The following TAFA2 variants were observed in gnomAD, a reference collection of about 807,000 sequenced individuals.
TAFA2 encodes TAFA chemokine like family member 2.
A neutral mutation model predicts 18.8 loss-of-function variants in TAFA2; 7 were observed. That is an observed-to-expected ratio of 0.37 (90% confidence interval 0.21 to 0.70). The LOEUF is 0.70. Ranked by LOEUF, TAFA2 falls within the 30% of genes least tolerant of loss-of-function variation. TAFA2 has a pLI of 0.53. For synonymous variants in TAFA2, 60 were observed against 54.2 expected (o/e 1.11, Z -0.47); for missense variants, 122 against 158.1 (o/e 0.77, Z 1.23).
intron 1 of TAFA2, among the ~76,000 whole-genome samples, chr12:62,001,983 C>T (rs1047363561): frequency 6.6e-6 from 1 of 152,042 alleles, no homozygotes. Context: ...TACCAAAAAA[C>T]AAAAGCCAGA....
Position 61,754,538 on chromosome 12 carries a change from A to G in TAFA2, c.259+334T>C, listed in dbSNP as rs375773731. On this transcript the variant is annotated intron_variant, in intron 3 of 4. Coordinates refer to ENST00000416284, the MANE Select transcript of TAFA2 (RefSeq NM_178539.5). ...AAGAACCCATAATATTAAATCATCC[A>G]TTTTCATCTTTCCTTTTCCAATTAA... Among the ~76,000 whole-genome samples the G allele has an allele frequency of 3.3e-5, 5 of 151,618 alleles. No individual in the cohort carries two copies. The East Asian group carries it at 9.8e-4, about 30-fold the overall frequency.
At chr12:61,752,758 T>A (rs1869079196) in intron 4 of TAFA2, among the ~76,000 whole-genome samples, 1 of 152,162 alleles carries the variant, frequency 6.6e-6, no homozygotes, top group East Asian at 1.9e-4. Context: ...GGTTTAAAAG[T>A]CTGCTATATC....
At chr12:61,808,873 C>A (rs957234956) in intron 2 of TAFA2, among the ~76,000 whole-genome samples, 12 of 151,506 alleles carry the variant, frequency 7.9e-5, no homozygotes, top group Admixed American at 6.6e-4. Context: ...TATATCAAAT[C>A]TGTTACTAAT....
chr12:62,155,720 C>T (rs1339413636), intron 1 of TAFA2, among the ~76,000 whole-genome samples: 1 of 152,116 alleles, frequency 6.6e-6, no homozygotes, highest in Admixed American at 6.5e-5. Flanking sequence ...ACAAATGGTG[C>T]TGGGATAACT....
chr12:61,871,425 G>A (rs981760693), intron 1 of TAFA2, among the ~76,000 whole-genome samples: 14 of 152,240 alleles, frequency 9.2e-5, no homozygotes, highest in Non-Finnish European at 1.8e-4. Context: ...ATGTGGTCCT[G>A]GCTCCAACAC....
intron 2 of TAFA2, among the ~76,000 whole-genome samples, chr12:61,806,004 C>T (rs956269840): frequency 6.6e-6 from 1 of 152,150 alleles, no homozygotes; most frequent in Non-Finnish European, 1.5e-5. Flanking sequence ...AAGGTAACAA[C>T]AAACTATTAA....
chr12:61,767,237 T>C (rs1251724559), intron 2 of TAFA2, among the ~76,000 whole-genome samples: 1 of 152,102 alleles, frequency 6.6e-6, no homozygotes, highest in Non-Finnish European at 1.5e-5. Context: ...TCAGGAATAT[T>C]ATTTCAGAAA....
chr12:62,059,139 A>ATGTGTGTGTGTGTGTGTG (rs374882700), intron 1 of TAFA2, among the ~76,000 whole-genome samples: 4,576 of 136,206 alleles, frequency 0.034, 117 homozygotes, highest in African/African-American at 0.06. Context: ...ATGTGTGTAT[A>ATGTGTGTGTGTGTGTGTG]TGTGTGTGTG....
At chr12:62,019,564 A>G (rs1881053537) in intron 1 of TAFA2, among the ~76,000 whole-genome samples, 1 of 151,932 alleles carries the variant, frequency 6.6e-6, no homozygotes, top group Non-Finnish European at 1.5e-5. Context: ...GCAAACTATC[A>G]CAAGGACAAA....
intron 1 of TAFA2, among the ~76,000 whole-genome samples, chr12:62,070,198 T>G (rs10877786): frequency 0.23 from 35,200 of 152,130 alleles, 4,527 homozygotes; most frequent in East Asian, 0.47. Context: ...AGCAATGGAC[T>G]GCAGAGATAT....
At chr12:62,210,562 A>T (rs1592402338) in intron 1 of TAFA2, among the ~76,000 whole-genome samples, 1 of 152,242 alleles carries the variant, frequency 6.6e-6, no homozygotes, top group African/African-American at 2.4e-5. Flanking sequence ...ATTTTTAGAC[A>T]AGCATCGCAG....
At chr12:61,763,723 C>T (rs1592373396) in intron 2 of TAFA2, among the ~76,000 whole-genome samples, 1 of 151,848 alleles carries the variant, frequency 6.6e-6, no homozygotes, top group Non-Finnish European at 1.5e-5. Context: ...AAGCTTCGCG[C>T]ATGCCTCACG....
intron 1 of TAFA2, among the ~76,000 whole-genome samples, chr12:62,063,670 C>T (rs932676104): frequency 1.3e-5 from 2 of 152,064 alleles, no homozygotes; most frequent in African/African-American, 4.8e-5. Context: ...TCTGTGTTAT[C>T]CAAATGAACA....
chr12:61,993,260 C>T (rs1385058551), intron 1 of TAFA2, among the ~76,000 whole-genome samples: 4 of 152,186 alleles, frequency 2.6e-5, no homozygotes, highest in Non-Finnish European at 4.4e-5. Flanking sequence ...ATTGACTTCC[C>T]ACTCATCCAT....
At chr12:62,019,361 A>C (rs1338290176) in intron 1 of TAFA2, among the ~76,000 whole-genome samples, 7 of 149,938 alleles carry the variant, frequency 4.7e-5, no homozygotes. Context: ...CGCTGCTATA[A>C]AGACACATGC....
At chr12:62,130,101 GC>G (rs1870622139) in intron 1 of TAFA2, among the ~76,000 whole-genome samples, 2 of 151,940 alleles carry the variant, frequency 1.3e-5, no homozygotes, top group Admixed American at 6.6e-5. Context: ...CCTTTTAGCA[GC>G]TATTTTTAAC....
At chr12:62,100,579 A>G (rs910617103) in intron 1 of TAFA2, among the ~76,000 whole-genome samples, 2 of 152,160 alleles carry the variant, frequency 1.3e-5, no homozygotes, top group Admixed American at 6.6e-5. Context: ...AAATCTTGTT[A>G]TAGCCTATAT....
chr12:61,710,019 G>A lies in TAFA2; in HGVS notation c.*387C>T. 4.9e-6 allele frequency: 1 copy of A among 202,426 alleles called. No homozygotes were observed. Among genetic ancestry groups the A allele is most frequent in the Non-Finnish European group, 1.0e-5 (1 of 100,138 alleles). 12.5% of individuals were successfully genotyped at this position (202,426 alleles called of 1,614,324 possible). ...AGGACCCAGGAACACATCCAGGACA[G>A]AAGGACAGTGCACTTGGGATACAGC... On this transcript the variant is annotated 3_prime_UTR_variant, in exon 5 of 5. Coordinates refer to ENST00000416284, the MANE Select transcript of TAFA2 (RefSeq NM_178539.5).
At chr12:62,147,822 AG>A (rs2062298110) in intron 1 of TAFA2, among the ~76,000 whole-genome samples, 1 of 151,980 alleles carries the variant, frequency 6.6e-6, no homozygotes, top group African/African-American at 2.4e-5. Flanking sequence ...GCATCTGACA[AG>A]GGACTAATAT....
Sources: allele counts gnomAD v4.1 joint callset (sites outside exome capture counted in the v4.1 genomes callset), GRCh38; gene constraint gnomAD v4.1.1; transcripts MANE v1.5; gene names NCBI Gene and HGNC (gene_info 2026-07-23, HGNC 2026-07-21).